The following WDFY3 variants were observed in gnomAD, a reference collection of about 807,000 sequenced individuals.
WDFY3 encodes the protein WD repeat and FYVE domain containing 3.
WDFY3 carries 66 observed loss-of-function variants against 409.6 expected under a neutral mutation model. The observed-to-expected ratio is 0.16, with a 90% CI of 0.13 to 0.20. The LOEUF is 0.20. Among genes scored for constraint, WDFY3 ranks in the 10% least tolerant of loss-of-function variants. The probability of loss-of-function intolerance (pLI) is 1.00; values close to 1 mark genes in which losing one functional copy is unlikely to be tolerated. For missense variants in WDFY3, 3,031 were observed against 4,298.1 expected (o/e 0.71, Z 8.24); for synonymous variants, 1,521 against 1,537.1 (o/e 0.99, Z 0.25).
At chr4:84,762,931 A>AT in intron 32 of WDFY3, among the ~76,000 whole-genome samples, 1 of 152,182 alleles carries the variant, frequency 6.6e-6, no homozygotes, top group African/African-American at 2.4e-5. Flanking sequence ...GGACCACATA[A>AT]CAAGACCCAA....
intron 2 of WDFY3, among the ~76,000 whole-genome samples, chr4:84,921,759 G>A (rs1769316387): frequency 7.3e-6 from 1 of 137,774 alleles, no homozygotes; most frequent in African/African-American, 2.7e-5. Flanking sequence ...CTGGGTTCAA[G>A]CAATTCTCTG....
chr4:84,895,706 C>T (rs772947219), intron 3 of WDFY3, among the ~76,000 whole-genome samples: 4 of 152,118 alleles, frequency 2.6e-5, no homozygotes, highest in African/African-American at 4.8e-5. Context: ...ATGCTTTCAG[C>T]GATAAAGGCA....
chr4:84,844,614 G>A (rs1041755927), intron 5 of WDFY3: 1 of 953,584 alleles, frequency 1.0e-6, no homozygotes, highest in African/African-American at 1.7e-5. Context: ...CTCCATTGCT[G>A]GATTGCTGCC....
chr4:84,918,871 A>T (rs943560641), intron 2 of WDFY3, among the ~76,000 whole-genome samples: 1 of 151,502 alleles, frequency 6.6e-6, no homozygotes, highest in East Asian at 1.9e-4. Context: ...ATACACACAC[A>T]CATGTGTACA....
At chr4:84,840,544 T>G (rs927731570) in intron 6 of WDFY3, among the ~76,000 whole-genome samples, 1 of 152,056 alleles carries the variant, frequency 6.6e-6, no homozygotes, top group Non-Finnish European at 1.5e-5. Flanking sequence ...CCAGAAATAG[T>G]CCATCTGTTT....
At chr4:84,890,001 A>G (rs1002790507) in intron 3 of WDFY3, among the ~76,000 whole-genome samples, 2 of 152,210 alleles carry the variant, frequency 1.3e-5, no homozygotes, top group East Asian at 3.9e-4. Context: ...TTCATGTATT[A>G]CAGAGGCTAT....
chr4:84,698,292 T>A (rs140775511), intron 56 of WDFY3, among the ~76,000 whole-genome samples: 16,507 of 120,312 alleles, frequency 0.14, 1,080 homozygotes, highest in Admixed American at 0.22. Flanking sequence ...ATATATATAT[T>A]TTTTTTTTTT....
rs2149213878 is a variant in WDFY3, at chr4:84,739,083, G to T, written c.6501C>A (p.Arg2167=). The T allele has an allele frequency of 6.2e-7, 1 of 1,614,128 alleles. No homozygotes were observed. Among genetic ancestry groups the T allele is most frequent in the Middle Eastern group, 1.6e-4 (1 of 6,062 alleles). The part of the protein sequence containing the change: ...VDGFGLEAEA[R]MTTWHIMIPS... ...GGATCATAATGTGCCATGTGGTCAT[G>T]CGGGCTTCTGCTTCCAGTCCAAATC... The change falls in exon 40 of 68, where the codon CGC becomes CGA. Residue 2167 remains arginine, a synonymous_variant. Transcript: ENST00000295888.
intron 15 of WDFY3, 45 bp downstream of exon 15, chr4:84,808,289 G>T: frequency 6.8e-7 from 1 of 1,460,160 alleles, no homozygotes; most frequent in South Asian, 1.2e-5. Flanking sequence ...AGAAAAAAAG[G>T]AACCCCACAC....
intron 2 of WDFY3, among the ~76,000 whole-genome samples, chr4:84,897,292 A>G (rs1765766596): frequency 1.3e-5 from 2 of 152,222 alleles, no homozygotes; most frequent in South Asian, 4.1e-4. Flanking sequence ...ACAGAAATAT[A>G]AAATCATATG....
chr4:84,948,551 G>C (rs1192151400), intron 1 of WDFY3, among the ~76,000 whole-genome samples: 2 of 152,180 alleles, frequency 1.3e-5, no homozygotes, highest in African/African-American at 2.4e-5. Flanking sequence ...TGTGATAGAA[G>C]ATGTTTTTGC....
chr4:84,682,416 C>T lies in WDFY3; in HGVS notation c.9781G>A (p.Glu3261Lys), dbSNP rs777201457. Residue 3261 changes from glutamate (E) to lysine (K), a missense_variant, in exon 64 of 68, where the codon GAA (glutamate) becomes AAA (lysine). Physicochemically the swap from Glu to Lys is moderately conservative, Grantham distance 56. Around this residue, in one of 16 missense-constraint regions of WDFY3, gnomAD observed 378 missense variants for 477.3 expected, o/e 0.79. Coordinates refer to ENST00000295888, the MANE Select transcript of WDFY3 (RefSeq NM_014991.6). ...VPETPAPEPAEVLEMQEDCPE... is the reference protein window; with the variant it reads ...VPETPAPEPAKVLEMQEDCPE... The stretch of plus-strand genomic sequence containing the variant: ...CAGTCTTCCTGCATTTCTAGGACTT[C>T]AGCAGGCTCAGGAGCTGGTGTTTCA... 1.2e-6 allele frequency: 2 copies of T among 1,613,976 alleles called. No individual in the cohort carries two copies. The highest frequency in any genetic ancestry group is 1.7e-5 in the Admixed American group (1 of 60,028).
At chr4:84,859,803 G>A (rs1760324627) in intron 4 of WDFY3, among the ~76,000 whole-genome samples, 1 of 152,150 alleles carries the variant, frequency 6.6e-6, no homozygotes, top group Non-Finnish European at 1.5e-5. Context: ...TCAAACTCCT[G>A]ACCTCAGGTG....
intron 3 of WDFY3, among the ~76,000 whole-genome samples, chr4:84,866,567 T>C (rs1009137542): frequency 1.3e-5 from 2 of 152,208 alleles, no homozygotes; most frequent in African/African-American, 2.4e-5. Context: ...TTCATCTGCA[T>C]AGGGCACCAA....
chr4:84,722,517 C>G (rs952512826), intron 46 of WDFY3, among the ~76,000 whole-genome samples: 1 of 152,174 alleles, frequency 6.6e-6, no homozygotes, highest in South Asian at 2.1e-4. Context: ...ATCAAAATAC[C>G]AGGTCAGAAA....
At chr4:84,946,556 G>C (rs1020138448) in intron 1 of WDFY3, among the ~76,000 whole-genome samples, 2 of 152,106 alleles carry the variant, frequency 1.3e-5, no homozygotes, top group African/African-American at 4.8e-5. Flanking sequence ...CAATACATGG[G>C]ATAGCAGGGT....
At chr4:84,716,504 A>G (rs1487445419) in intron 49 of WDFY3, among the ~76,000 whole-genome samples, 2 of 150,168 alleles carry the variant, frequency 1.3e-5, no homozygotes, top group African/African-American at 4.9e-5. Context: ...ATTTTAAAAT[A>G]ATACATTTTC....
chr4:84,926,719 G>A (rs181384472), intron 2 of WDFY3, among the ~76,000 whole-genome samples: 1 of 152,206 alleles, frequency 6.6e-6, no homozygotes, highest in Admixed American at 6.5e-5. Flanking sequence ...TAAAAAGGAG[G>A]TATATTATAA....
chr4:84,813,961 T>G (rs893166069), intron 13 of WDFY3, among the ~76,000 whole-genome samples: 3 of 152,116 alleles, frequency 2.0e-5, no homozygotes, highest in African/African-American at 7.2e-5. Context: ...TTATACACCA[T>G]CAAAACATGA....
Sources: allele counts gnomAD v4.1 joint callset (sites outside exome capture counted in the v4.1 genomes callset), GRCh38; gene constraint gnomAD v4.1.1; regional missense constraint gnomAD v4.1.1; transcripts MANE v1.5; gene names NCBI Gene and HGNC (gene_info 2026-07-23, HGNC 2026-07-21).